Variants in HS3ST5 observed in about 807,000 individuals in gnomAD.
The protein encoded by HS3ST5 is heparan sulfate-glucosamine 3-sulfotransferase 5.
In HS3ST5, 10 loss-of-function variants were observed where a neutral mutation model predicts 25.4. The observed-to-expected ratio is 0.39, with a 90% confidence interval of 0.24 to 0.67. The LOEUF (loss-of-function observed/expected upper bound fraction) is 0.67. Ranked by LOEUF, HS3ST5 falls within the 30% of genes least tolerant of loss-of-function variation. The pLI is 0.44. For synonymous variants in HS3ST5, 170 were observed against 162.4 expected (o/e 1.05, Z -0.36); for missense variants, 324 against 420.7 (o/e 0.77, Z 2.01).
intron 3 of HS3ST5, among the ~76,000 whole-genome samples, chr6:114,071,273 G>T (rs1369664175): frequency 1.3e-5 from 2 of 152,178 alleles, no homozygotes; most frequent in African/African-American, 4.8e-5. Context: ...ATGGGCATGT[G>T]TTGCTTGGCT....
intron 1 of HS3ST5, among the ~76,000 whole-genome samples, chr6:114,291,200 T>G (rs1490107455): frequency 6.6e-6 from 1 of 152,092 alleles, no homozygotes; most frequent in Non-Finnish European, 1.5e-5. Flanking sequence ...GGGGAGTGCA[T>G]GATTTCAGAA....
At chr6:114,061,101 G>T (rs956490521) in intron 4 of HS3ST5, among the ~76,000 whole-genome samples, 1 of 152,100 alleles carries the variant, frequency 6.6e-6, no homozygotes, top group African/African-American at 2.4e-5. Flanking sequence ...CCAAATAAAA[G>T]CTATCCCCTT....
intron 1 of HS3ST5, among the ~76,000 whole-genome samples, chr6:114,282,878 AGTT>A (rs1562263239): frequency 6.6e-6 from 1 of 152,010 alleles, no homozygotes; most frequent in African/African-American, 2.4e-5. Flanking sequence ...TCTCAACTAA[AGTT>A]TCTCACGTAG....
rs570334972 is a variant in HS3ST5, at chr6:114,277,802, G to A, written c.-338-49024C>T. Among the ~76,000 whole-genome samples the A allele has an allele frequency of 2.5e-3, 381 of 152,094 alleles. 1 individual carries two copies. Among genetic ancestry groups the A allele is most frequent in the Middle Eastern group, 0.014 (4 of 294 alleles). On this transcript the variant is annotated intron_variant, in intron 1 of 4. Transcript: ENST00000312719. ...GTTTTAAAAGAGTTAGCTCCAGAGA[G>A]TTATTCTTATATCCCTTCTTGAGCA...
At chr6:114,290,406 A>T (rs1460567869) in intron 1 of HS3ST5, among the ~76,000 whole-genome samples, 1 of 152,152 alleles carries the variant, frequency 6.6e-6, no homozygotes, top group African/African-American at 2.4e-5. Context: ...ACTTCTTTAA[A>T]GATGTCATGG....
intron 1 of HS3ST5, among the ~76,000 whole-genome samples, chr6:114,291,386 A>G (rs1386217959): frequency 6.6e-6 from 1 of 151,926 alleles, no homozygotes; most frequent in African/African-American, 2.4e-5. Context: ...ATGCACCCGC[A>G]AGTTATTAGT....
chr6:114,301,307 T>G (rs758173452), intron 1 of HS3ST5, among the ~76,000 whole-genome samples: 8 of 152,192 alleles, frequency 5.3e-5, no homozygotes, highest in Admixed American at 2.0e-4. Context: ...AAAGTTAATT[T>G]ATTTCTAAAG....
intron 3 of HS3ST5, among the ~76,000 whole-genome samples, chr6:114,137,081 TATAATGTATC>T (rs561531105): frequency 8.0e-4 from 122 of 152,290 alleles, no homozygotes; most frequent in African/African-American, 2.9e-3. Flanking sequence ...GATATGACAA[TATAATGTATC>T]ATAGCAATCT....
chr6:114,147,870 C>T (rs979186980), intron 3 of HS3ST5, among the ~76,000 whole-genome samples: 19 of 152,206 alleles, frequency 1.2e-4, no homozygotes, highest in African/African-American at 4.6e-4. Flanking sequence ...CATGAGCCAC[C>T]GCACCTGGCA....
At chr6:114,071,672 C>T (rs1273495741) in intron 3 of HS3ST5, among the ~76,000 whole-genome samples, 2 of 152,034 alleles carry the variant, frequency 1.3e-5, no homozygotes, top group Non-Finnish European at 2.9e-5. Flanking sequence ...ATCTGGATAC[C>T]ACATCTCTTT....
At chr6:114,069,827 G>T (rs1054621163) in intron 3 of HS3ST5, among the ~76,000 whole-genome samples, 6 of 152,004 alleles carry the variant, frequency 3.9e-5, no homozygotes, top group African/African-American at 1.4e-4. Flanking sequence ...CGGCCCATGG[G>T]AGACTTTTTA....
intron 3 of HS3ST5, among the ~76,000 whole-genome samples, chr6:114,107,611 TAGAA>T (rs1226542328): frequency 2.0e-5 from 3 of 152,188 alleles, no homozygotes; most frequent in African/African-American, 4.8e-5. Context: ...CATGATTACA[TAGAA>T]AGACTGATGG....
At chr6:114,199,944 T>C (rs1234582831) in intron 2 of HS3ST5, among the ~76,000 whole-genome samples, 1 of 152,170 alleles carries the variant, frequency 6.6e-6, no homozygotes, top group African/African-American at 2.4e-5. Flanking sequence ...CAGGGCACGG[T>C]GGCTCACGCC....
chr6:114,236,548 A>G (rs1012728873), intron 1 of HS3ST5, among the ~76,000 whole-genome samples: 9 of 152,018 alleles, frequency 5.9e-5, no homozygotes, highest in Non-Finnish European at 1.0e-4. Context: ...GGTGGGGAGG[A>G]GTCTGTTGCA....
intron 3 of HS3ST5, among the ~76,000 whole-genome samples, chr6:114,155,575 T>C (rs749068221): frequency 7.9e-5 from 12 of 152,220 alleles, no homozygotes; most frequent in Admixed American, 5.9e-4. Flanking sequence ...GACTTTACCT[T>C]TCTATAAAAC....
At chr6:114,067,951 G>C (rs1162160531) in intron 3 of HS3ST5, among the ~76,000 whole-genome samples, 1 of 151,832 alleles carries the variant, frequency 6.6e-6, no homozygotes, top group Non-Finnish European at 1.5e-5. Context: ...TATCTCACAG[G>C]GTTCTTATGA....
At chr6:114,111,249 C>T (rs1235352121) in intron 3 of HS3ST5, among the ~76,000 whole-genome samples, 1 of 152,142 alleles carries the variant, frequency 6.6e-6, no homozygotes, top group Non-Finnish European at 1.5e-5. Flanking sequence ...GCATAGTACA[C>T]TAGAGAGAAA....
intron 1 of HS3ST5, among the ~76,000 whole-genome samples, chr6:114,291,034 C>G (rs1774552970): frequency 1.3e-5 from 2 of 152,020 alleles, no homozygotes; most frequent in Non-Finnish European, 2.9e-5. Context: ...TCTAGGTACA[C>G]CAGGTACTCT....
chr6:114,339,713 A>G (rs1244291807), intron 1 of HS3ST5, among the ~76,000 whole-genome samples: 3 of 152,226 alleles, frequency 2.0e-5, no homozygotes, highest in Non-Finnish European at 1.5e-5. Context: ...ATTACTCTAA[A>G]GTATTCAGAC....
Sources: gnomAD v4.1 joint callset for allele counts (sites outside exome capture counted in the v4.1 genomes callset) on GRCh38, gnomAD v4.1.1 for gene constraint, MANE v1.5 for transcripts, NCBI Gene and HGNC (gene_info 2026-07-23, HGNC 2026-07-21) for gene names.